The following SRBD1 variants were observed in gnomAD, a reference collection of about 807,000 sequenced individuals.
The protein encoded by SRBD1 is S1 RNA-binding domain-containing protein 1.
Under a neutral mutation model 115.3 loss-of-function variants are expected in SRBD1, and 88 were observed. That is an observed-to-expected ratio of 0.76 (90% CI 0.64 to 0.91). The LOEUF (loss-of-function observed/expected upper bound fraction) is 0.91. SRBD1 is among the 40% of genes least tolerant of loss of function. SRBD1 has a pLI of 0.00. For missense variants in SRBD1, 1,385 were observed against 1,177.4 expected, an observed-to-expected ratio of 1.18 and a Z score of -2.58; for synonymous variants, 509 against 407.7, an observed-to-expected ratio of 1.25 and a Z score of -2.99.
rs186149663 is a variant in SRBD1, at chr2:45,541,610, G to A, written c.1874+5122C>T. On this transcript the variant is annotated intron_variant, in intron 14 of 20. Transcript: ENST00000263736. ...CCGCAGGCAGGTTGTCCCAATGAGT[G>A]TCTAGCTCTCAGCAGAGAGGAGACC... 3.8e-4 allele frequency among the ~76,000 whole-genome samples: 58 copies of A among 152,354 alleles called. No individual in the cohort carries two copies. The East Asian group carries it at 0.011, about 28-fold the overall frequency.
intron 16 of SRBD1, among the ~76,000 whole-genome samples, chr2:45,468,102 G>A (rs564813817): frequency 7.2e-5 from 11 of 151,886 alleles, no homozygotes; most frequent in East Asian, 5.8e-4. Context: ...TAAATTCTGC[G>A]CTTATTTTTA....
chr2:45,585,975 A>G lies in SRBD1; in HGVS notation c.649-201T>C, dbSNP rs534203697. ...GTAAAATAGCCATTTCACAAATTCA[A>G]TAAAATCTAATCCAAACCACTGTAT... On this transcript the variant is annotated intron_variant, in intron 4 of 20. Coordinates refer to ENST00000263736, the MANE Select transcript of SRBD1 (RefSeq NM_018079.5). Among the ~76,000 whole-genome samples the G allele has an allele frequency of 7.2e-5, 11 of 152,320 alleles. No individual in the cohort carries two copies. In the South Asian group the frequency reaches 1.7e-3, roughly 23 times the overall value.
chr2:45,524,198 C>G (rs543561710), intron 14 of SRBD1, among the ~76,000 whole-genome samples: 1 of 152,044 alleles, frequency 6.6e-6, no homozygotes, highest in African/African-American at 2.4e-5. Context: ...GTCAACAACA[C>G]AATTAATGAT....
chr2:45,429,733 G>C (rs369261177), intron 16 of SRBD1, among the ~76,000 whole-genome samples: 1 of 152,182 alleles, frequency 6.6e-6, no homozygotes, highest in Non-Finnish European at 1.5e-5. Flanking sequence ...ACCAGCACAA[G>C]ACAAGGATGC....
intron 10 of SRBD1, among the ~76,000 whole-genome samples, chr2:45,561,465 G>C (rs1039123719): frequency 6.6e-6 from 1 of 152,208 alleles, no homozygotes; most frequent in African/African-American, 2.4e-5. Context: ...TGAGATAACT[G>C]ATTTCCAAAA....
At chr2:45,404,262 C>T (rs1243010860) in intron 19 of SRBD1, among the ~76,000 whole-genome samples, 1 of 151,986 alleles carries the variant, frequency 6.6e-6, no homozygotes, top group Non-Finnish European at 1.5e-5. Context: ...CAGATTTAGG[C>T]ATATTAGGTT....
intron 16 of SRBD1, among the ~76,000 whole-genome samples, chr2:45,437,624 A>AGCCTGAGATGGGAAGATC (rs1444619097): frequency 6.6e-6 from 1 of 152,224 alleles, no homozygotes; most frequent in Non-Finnish European, 1.5e-5. Flanking sequence ...GCTACTCAGG[A>AGCCTGAGATGGGAAGATC]GCCTGAGATG....
chr2:45,575,095 A>G (rs1317083199), intron 7 of SRBD1, among the ~76,000 whole-genome samples: 2 of 152,230 alleles, frequency 1.3e-5, no homozygotes, highest in African/African-American at 4.8e-5. Context: ...TGAAGTGATT[A>G]CAAATACTAA....
chr2:45,489,530 C>T (rs1024942397), intron 14 of SRBD1, among the ~76,000 whole-genome samples: 2 of 152,146 alleles, frequency 1.3e-5, no homozygotes, highest in Admixed American at 6.5e-5. Flanking sequence ...CAACCAAGAT[C>T]TACTCTCTTA....
intron 16 of SRBD1, 91 bp downstream of exon 16, chr2:45,476,902 A>C: frequency 8.7e-7 from 1 of 1,146,642 alleles, no homozygotes; most frequent in Non-Finnish European, 1.3e-6. Flanking sequence ...ATGGGAATCT[A>C]CTCCCACAGA....
intron 14 of SRBD1, among the ~76,000 whole-genome samples, chr2:45,495,290 A>G (rs900864124): frequency 3.3e-5 from 5 of 152,232 alleles, no homozygotes; most frequent in African/African-American, 1.2e-4. Context: ...CAGAGATGAC[A>G]AACTCAATGG....
chr2:45,553,505 GCTGA>G, intron 11 of SRBD1, 114 bp downstream of exon 11: 1 of 553,390 alleles, frequency 1.8e-6, no homozygotes, highest in South Asian at 4.4e-5. Flanking sequence ...ACTTTGTGAT[GCTGA>G]CTAAATTCTT....
Position 45,599,706 on chromosome 2 carries a change from T to G in SRBD1, c.391A>C (p.Lys131Gln), listed in dbSNP as rs749931021. The G allele has an allele frequency of 5.6e-6, 9 of 1,614,240 alleles. No homozygotes were observed. Among genetic ancestry groups the G allele is most frequent in the Non-Finnish European group, 7.6e-6 (9 of 1,180,036 alleles). ...GTTTCTTCTTCAACTTTCAGCTTTT[T>G]AGTCCTTCGAACTGTATGTGGCTGC... ...AAQPHTVRRTKKLKVEEETSK... is the reference protein window; with the variant it reads ...AAQPHTVRRTQKLKVEEETSK... Residue 131 changes from lysine to glutamine, a missense_variant, in exon 4 of 21, where the codon AAA becomes CAA. Physicochemically the swap from Lys to Gln is moderately conservative, Grantham distance 53. Coordinates refer to ENST00000263736, the MANE Select transcript of SRBD1 (RefSeq NM_018079.5).
chr2:45,500,347 G>C (rs141669980), intron 14 of SRBD1, among the ~76,000 whole-genome samples: 189 of 151,608 alleles, frequency 1.2e-3, no homozygotes, highest in African/African-American at 4.4e-3. Context: ...GTGTGTATAT[G>C]TGTGTGTGTA....
chr2:45,586,748 C>T (rs933897706), intron 4 of SRBD1, among the ~76,000 whole-genome samples: 1 of 150,606 alleles, frequency 6.6e-6, no homozygotes, highest in Admixed American at 6.6e-5. Context: ...GGTCTTACTA[C>T]ATTGCCCAAG....
chr2:45,495,024 C>T (rs551015749), intron 14 of SRBD1, among the ~76,000 whole-genome samples: 1 of 151,992 alleles, frequency 6.6e-6, no homozygotes, highest in Admixed American at 6.6e-5. Flanking sequence ...AGGATCCACA[C>T]CAAGCCTGGG....
At chr2:45,555,488 CTTT>C (rs35646522) in intron 10 of SRBD1, among the ~76,000 whole-genome samples, 4 of 121,362 alleles carry the variant, frequency 3.3e-5, no homozygotes, top group African/African-American at 3.2e-5. Context: ...TCATTAAACC[CTTT>C]TTTTTTTTTT....
intron 7 of SRBD1, 141 bp downstream of exon 7, chr2:45,579,734 G>C (rs1160217808): frequency 9.7e-7 from 1 of 1,031,030 alleles, no homozygotes; most frequent in African/African-American, 1.7e-5. Flanking sequence ...AGGTATGTCA[G>C]GATTTATTTC....
chr2:45,488,549 C>T (rs986915238), intron 14 of SRBD1, among the ~76,000 whole-genome samples: 2 of 152,004 alleles, frequency 1.3e-5, no homozygotes, highest in African/African-American at 4.8e-5. Flanking sequence ...GACTTAAATC[C>T]ATAATGAATT....
Sources: gnomAD v4.1 joint callset for allele counts (sites outside exome capture counted in the v4.1 genomes callset) on GRCh38, gnomAD v4.1.1 for gene constraint, MANE v1.5 for transcripts, NCBI Gene and HGNC (gene_info 2026-07-23, HGNC 2026-07-21) for gene names.